Variants in UBXN2B observed in about 807,000 individuals in gnomAD.
UBXN2B encodes UBX domain protein 2B.
A neutral mutation model predicts 37.5 loss-of-function variants in UBXN2B; 19 were observed. The observed-to-expected ratio is 0.51, with a 90% CI of 0.35 to 0.74. The LOEUF (loss-of-function observed/expected upper bound fraction) is 0.74. Ranked by LOEUF, UBXN2B falls within the 30% of genes least tolerant of loss-of-function variation. The probability of loss-of-function intolerance (pLI) is 0.01; values close to 1 mark genes in which losing one functional copy is unlikely to be tolerated. For synonymous variants in UBXN2B, 145 were observed against 143.8 expected (o/e 1.01, Z -0.06); for missense variants, 370 against 393.2 (o/e 0.94, Z 0.50).
chr8:58,437,963 C>A (rs1163891710), intron 5 of UBXN2B, among the ~76,000 whole-genome samples: 1 of 132,630 alleles, frequency 7.5e-6, no homozygotes, highest in Non-Finnish European at 1.7e-5. Flanking sequence ...CCCCCCCCAA[C>A]CCCCATCACA....
Position 58,415,167 on chromosome 8 carries a change from G to T in UBXN2B, c.85-1683G>T, listed in dbSNP as rs573083464. Among the ~76,000 whole-genome samples the T allele has an allele frequency of 3.9e-5, 6 of 152,058 alleles. No individual in the cohort carries two copies. In the South Asian group the frequency reaches 6.2e-4, roughly 16 times the overall value. On this transcript the variant is annotated intron_variant, in intron 1 of 7. Coordinates refer to ENST00000399598, the MANE Select transcript of UBXN2B (RefSeq NM_001077619.2). ...ATGCTTAATATGAATGTCATTGGGG[G>T]TATTACGTGCTATGAGTATTTAGAA...
chr8:58,425,441 T>C, intron 2 of UBXN2B: 1 of 1,131,668 alleles, frequency 8.8e-7, no homozygotes, highest in Non-Finnish European at 1.3e-6. Context: ...AATTTGGGCA[T>C]GATGATATTT....
At chr8:58,412,712 A>G (rs1043140131) in intron 1 of UBXN2B, among the ~76,000 whole-genome samples, 3 of 152,162 alleles carry the variant, frequency 2.0e-5, no homozygotes, top group African/African-American at 4.8e-5. Context: ...TAGTCCTGCT[A>G]CTTAGTAGTT....
chr8:58,440,511 A>G (rs1808513708), intron 6 of UBXN2B, among the ~76,000 whole-genome samples: 1 of 152,234 alleles, frequency 6.6e-6, no homozygotes, highest in South Asian at 2.1e-4. Flanking sequence ...TTAAAAACCA[A>G]CGCACATGGC....
At position 58,425,629 on chromosome 8, in the gene UBXN2B, G is replaced by A. The variant is rs770787818; in HGVS notation, c.189-4890G>A. ...TTGTTGTAGTGTCTCAAATTCTTCC[G>A]AAAAGCCTTGTTTGACTTTATTGTG... On this transcript the variant is annotated intron_variant, in intron 2 of 7. Transcript: ENST00000399598. The A allele has an allele frequency of 6.4e-5, 72 of 1,129,006 alleles. 1 individual carries two copies. In the South Asian group the frequency reaches 7.2e-4, roughly 11 times the overall value. 69.9% of individuals were successfully genotyped at this position (1,129,006 alleles called of 1,614,324 possible).
intron 5 of UBXN2B, among the ~76,000 whole-genome samples, chr8:58,437,763 T>A (rs10111761): frequency 3.3e-5 from 5 of 152,176 alleles, no homozygotes; most frequent in African/African-American, 1.2e-4. Flanking sequence ...CCGTTGAAGT[T>A]TGGAAAATTC....
intron 2 of UBXN2B, chr8:58,424,841 A>T: frequency 7.1e-7 from 1 of 1,411,108 alleles, no homozygotes; most frequent in African/African-American, 1.4e-5. Context: ...ATAAATCGGT[A>T]CTGTGTTTCT....
intron 5 of UBXN2B, chr8:58,434,777 A>C: frequency 6.6e-7 from 1 of 1,515,276 alleles, no homozygotes; most frequent in Admixed American, 2.1e-5. Context: ...CCAAGAAGAA[A>C]CATCTTAATG....
chr8:58,448,210 G>C lies in UBXN2B; in HGVS notation c.*659G>C, dbSNP rs1300915614. 1 of 123,588 alleles carries C rather than the reference G, an allele frequency of 8.1e-6. No homozygotes were observed. The highest frequency in any genetic ancestry group is 1.7e-5 in the Non-Finnish European group (1 of 60,234). The allele number at this position is 123,588 out of a possible 1,614,324, so 7.7% of individuals were successfully genotyped here. On this transcript the variant is annotated 3_prime_UTR_variant, in exon 8 of 8. Coordinates refer to ENST00000399598, the MANE Select transcript of UBXN2B (RefSeq NM_001077619.2). Reference sequence around the variant, plus strand: ...TTTTTTGATATGGAGTTTTGCTCTTGTTGCCCAGGCTGGAGTGCAATGGCA... The same window carrying C: ...TTTTTTGATATGGAGTTTTGCTCTTCTTGCCCAGGCTGGAGTGCAATGGCA...
At chr8:58,430,477 C>T (rs759146505) in intron 2 of UBXN2B, 42 bp from the exon 3 acceptor site, 1 of 1,403,622 alleles carries the variant, frequency 7.1e-7, no homozygotes, top group Admixed American at 2.2e-5. Flanking sequence ...CAGTTTATGT[C>T]TGTTATCCTA....
intron 7 of UBXN2B, 30 bp downstream of exon 7, chr8:58,446,098 T>C: frequency 6.3e-7 from 1 of 1,584,634 alleles, no homozygotes; most frequent in African/African-American, 1.3e-5. Flanking sequence ...GTGTCCTGTT[T>C]GCTGTTATAT....
intron 6 of UBXN2B, among the ~76,000 whole-genome samples, chr8:58,441,037 G>A (rs1808527806): frequency 6.7e-6 from 1 of 150,350 alleles, no homozygotes; most frequent in Non-Finnish European, 1.5e-5. Context: ...CTGTTGCCCA[G>A]ACTGGAGTAC....
At chr8:58,436,694 A>C (rs988125021) in intron 5 of UBXN2B, among the ~76,000 whole-genome samples, 2 of 152,104 alleles carry the variant, frequency 1.3e-5, no homozygotes, top group African/African-American at 4.8e-5. Flanking sequence ...CTGGCAGTTC[A>C]AGTGAAAGCT....
chr8:58,413,482 T>C (rs1807691438), intron 1 of UBXN2B: 1 of 152,208 alleles, frequency 6.6e-6, no homozygotes, highest in South Asian at 2.1e-4. Context: ...ATGCTTTTCT[T>C]AAGAGTTACG....
At chr8:58,441,419 CTTAA>C (rs1208819059) in intron 6 of UBXN2B, among the ~76,000 whole-genome samples, 5 of 126,546 alleles carry the variant, frequency 4.0e-5, no homozygotes, top group Admixed American at 7.6e-5. Context: ...TATGTATGTT[CTTAA>C]TTTTGTATCA....
rs1330074066 is a variant in UBXN2B, at chr8:58,449,392, A to T, written c.*1841A>T. On this transcript the variant is annotated 3_prime_UTR_variant, in exon 8 of 8. Transcript: ENST00000399598. ...CATAGGTGCTCAAAAGTCACAATCCATTATTACAGCATCAACTCTAAATCC... is the reference window on the plus strand; with the variant it reads ...CATAGGTGCTCAAAAGTCACAATCCTTTATTACAGCATCAACTCTAAATCC... The T allele has an allele frequency of 2.6e-5, 4 of 151,734 alleles. No homozygotes were observed. Among genetic ancestry groups the T allele is most frequent in the Non-Finnish European group, 5.9e-5 (4 of 67,978 alleles). The allele number at this position is 151,734 out of a possible 1,614,324, so 9.4% of individuals were successfully genotyped here.
chr8:58,430,803 A>G (rs1808251989), intron 3 of UBXN2B, 134 bp downstream of exon 3: 1 of 740,674 alleles, frequency 1.4e-6, no homozygotes. Flanking sequence ...TTATAAAATT[A>G]TAATATTTCT....
At chr8:58,427,321 A>G (rs1808128581) in intron 2 of UBXN2B, among the ~76,000 whole-genome samples, 1 of 152,150 alleles carries the variant, frequency 6.6e-6, no homozygotes, top group South Asian at 2.1e-4. Context: ...AAAATAGCCA[A>G]GCGTGGTGGT....
chr8:58,420,559 C>T (rs1807900272), intron 2 of UBXN2B, among the ~76,000 whole-genome samples: 1 of 152,140 alleles, frequency 6.6e-6, no homozygotes. Flanking sequence ...ACTTCATATA[C>T]TGCAGGAAAA....
Sources: allele counts gnomAD v4.1 joint callset (sites outside exome capture counted in the v4.1 genomes callset), GRCh38; gene constraint gnomAD v4.1.1; transcripts MANE v1.5; gene names NCBI Gene and HGNC (gene_info 2026-07-23, HGNC 2026-07-21).